MTA3: variants seen among roughly 807,000 people sequenced by gnomAD.
The protein encoded by MTA3 is metastasis associated 1 family member 3.
Under a neutral mutation model 83.5 loss-of-function variants are expected in MTA3, and 34 were observed. The ratio of observed to expected loss-of-function variants is 0.41; its 90% CI spans 0.31 to 0.54. MTA3 has a LOEUF of 0.54. Ranked by LOEUF, MTA3 falls within the 20% of genes least tolerant of loss-of-function variation. MTA3 has a pLI of 0.33. For synonymous variants in MTA3, 303 were observed against 252.7 expected (o/e 1.20, Z -1.89); for missense variants, 761 against 726.4 (o/e 1.05, Z -0.55).
chr2:42,736,434 C>T (rs1668621339), intron 16 of MTA3, among the ~76,000 whole-genome samples: 1 of 152,102 alleles, frequency 6.6e-6, no homozygotes, highest in South Asian at 2.1e-4. Flanking sequence ...ATGATCACTG[C>T]CTGGCTACCA....
chr2:42,649,421 A>T (rs1219766043), intron 6 of MTA3, among the ~76,000 whole-genome samples: 1 of 152,144 alleles, frequency 6.6e-6, no homozygotes, highest in African/African-American at 2.4e-5. Flanking sequence ...TCCAAAAAAA[A>T]AAAAGCTGTT....
Position 42,712,538 on chromosome 2 carries a change from TAA to T in MTA3, c.1525+3443_1525+3444del, listed in dbSNP as rs534078680. Among the ~76,000 whole-genome samples the T allele has an allele frequency of 3.0e-3, 451 of 152,326 alleles. 2 individuals carry two copies. The highest frequency in any genetic ancestry group is 0.01 in the African/African-American group (431 of 41,560). On this transcript the variant is annotated intron_variant, in intron 14 of 16. Coordinates refer to ENST00000405094, the MANE Select transcript of MTA3 (RefSeq NM_001330442.2). ...TTCCCCAAATACCTAAATATTATTT[TAA>T]TAATCTTTATATGTGAATGTATAAA...
At chr2:42,566,411 A>G (rs1446623553), upstream of MTA3, among the ~76,000 whole-genome samples, 1 of 152,210 alleles carries the variant, frequency 6.6e-6, no homozygotes, top group East Asian at 1.9e-4. Context: ...GATACTGAGC[A>G]TCTACTGTGT....
At chr2:42,564,317 G>A (rs1366879272), upstream of MTA3, among the ~76,000 whole-genome samples, 4 of 152,190 alleles carry the variant, frequency 2.6e-5, no homozygotes, top group Non-Finnish European at 4.4e-5. Context: ...GAGGGCATGA[G>A]GGAACTATGG....
In MTA3 at chr2:42,681,143, T is replaced by C. The variant is rs532256705; in HGVS notation, c.703-1258T>C. On this transcript the variant is annotated intron_variant, in intron 8 of 16. Coordinates refer to ENST00000405094, the MANE Select transcript of MTA3 (RefSeq NM_001330442.2). ...TGCTTGTGTGTTCTAATCTATCTTT[T>C]CTCCTTTCAAATTGTGCTTCAAATC... Among the ~76,000 whole-genome samples, 11 of 152,300 alleles carry C rather than the reference T, an allele frequency of 7.2e-5. No homozygotes were observed. In the East Asian group the frequency reaches 2.1e-3, roughly 29 times the overall value.
chr2:42,718,365 A>C (rs1191998124), intron 14 of MTA3, among the ~76,000 whole-genome samples: 1 of 151,734 alleles, frequency 6.6e-6, no homozygotes, highest in East Asian at 2.0e-4. Context: ...CTCCTGCCTC[A>C]GCCTCCCGAG....
chr2:42,748,114 TG>T (rs1460488439), intron 16 of MTA3, among the ~76,000 whole-genome samples: 1 of 152,096 alleles, frequency 6.6e-6, no homozygotes, highest in Non-Finnish European at 1.5e-5. Flanking sequence ...CTGCAACCTC[TG>T]CCTCCTGGGT....
Position 42,659,792 on chromosome 2 carries a change from A to T in MTA3, c.632A>T (p.Asp211Val). The T allele has an allele frequency of 6.2e-7, 1 of 1,606,828 alleles. No homozygotes were observed. The highest frequency in any genetic ancestry group is 8.5e-7 in the Non-Finnish European group (1 of 1,176,640). The change falls in exon 8 of 17, where the codon GAT becomes GTT. Residue 211 changes from aspartate (D) to valine (V), a missense_variant. Asp to Val is a radical substitution (Grantham distance 152). Transcript: ENST00000405094. ...GTTGGGACATTCGCCAGAGCCCTGG[A>T]TTGCAGCAGTTCTGTGAGGCAGCCT... ...RAVGTFARAL[D>V]CSSSVRQPSL... is the part of the protein sequence containing the mutation.
At chr2:42,704,371 G>C in intron 12 of MTA3, 53 bp downstream of exon 12, 2 of 1,604,574 alleles carry the variant, frequency 1.2e-6, no homozygotes, top group Non-Finnish European at 1.7e-6. Flanking sequence ...CTGGCTCATG[G>C]GGTGTGAGCG....
intron 9 of MTA3, among the ~76,000 whole-genome samples, chr2:42,687,167 A>G (rs1363099928): frequency 1.3e-5 from 2 of 152,098 alleles, no homozygotes; most frequent in African/African-American, 4.8e-5. Context: ...AAGACACAGT[A>G]CAGTTTCATC....
chr2:42,664,446 T>C (rs1280615970), intron 8 of MTA3, among the ~76,000 whole-genome samples: 1 of 145,562 alleles, frequency 6.9e-6, no homozygotes, highest in African/African-American at 2.5e-5. Flanking sequence ...ATGGTCCTAC[T>C]ACCCCCTCAC....
chr2:42,747,635 C>T (rs1669540650), intron 16 of MTA3, among the ~76,000 whole-genome samples: 1 of 151,406 alleles, frequency 6.6e-6, no homozygotes, highest in Admixed American at 6.6e-5. Context: ...GTGCTTGTTA[C>T]ACTGTTGGGG....
chr2:42,591,176 C>G (rs1014348978), intron 3 of MTA3, among the ~76,000 whole-genome samples: 1 of 152,178 alleles, frequency 6.6e-6, no homozygotes, highest in Non-Finnish European at 1.5e-5. Context: ...GGGTACAAAT[C>G]TGTACACATG....
chr2:42,611,341 C>CACACACACACATA (rs1462110821), intron 4 of MTA3, among the ~76,000 whole-genome samples: 7 of 149,514 alleles, frequency 4.7e-5, no homozygotes, highest in African/African-American at 1.7e-4. Context: ...ACACACACAC[C>CACACACACACATA]CCCTCACACA....
rs1573711220 is a variant in MTA3 at position 42,709,237 on chromosome 2, A to C, written c.1525+141A>C. ...CAGCCTTTTATTTGGTTTATTTTTT[A>C]ACATTGTTTTTGTGTGCTGCCATTT... On this transcript the variant is annotated intron_variant, in intron 14 of 16. Coordinates refer to ENST00000405094, the MANE Select transcript of MTA3 (RefSeq NM_001330442.2). The C allele has an allele frequency of 2.1e-6, 3 of 1,440,458 alleles. No individual in the cohort carries two copies. In the East Asian group the frequency reaches 7.5e-5, roughly 36 times the overall value. The allele number at this position is 1,440,458 out of a possible 1,614,324, so 89.2% of individuals were successfully genotyped here.
intron 6 of MTA3, among the ~76,000 whole-genome samples, chr2:42,652,021 C>T (rs941324709): frequency 1.2e-4 from 18 of 151,924 alleles, no homozygotes; most frequent in African/African-American, 3.9e-4. Flanking sequence ...GACTTGAACC[C>T]GGGAGGTGGA....
intron 2 of MTA3, among the ~76,000 whole-genome samples, chr2:42,514,635 C>G (rs1391201333): frequency 6.8e-6 from 1 of 146,816 alleles, no homozygotes; most frequent in Non-Finnish European, 1.5e-5. Context: ...CTGCCCACCT[C>G]GGGCTCCTCC....
At chr2:42,688,211 A>G (rs1321043522) in intron 9 of MTA3, among the ~76,000 whole-genome samples, 1 of 152,158 alleles carries the variant, frequency 6.6e-6, no homozygotes, top group African/African-American at 2.4e-5. Flanking sequence ...AACTGGGACT[A>G]CAGGCATGTT....
At chr2:42,752,641 T>C (rs1055984429) in intron 16 of MTA3, among the ~76,000 whole-genome samples, 1 of 152,158 alleles carries the variant, frequency 6.6e-6, no homozygotes. Flanking sequence ...ACAAGAAATG[T>C]GTTCATAGCC....
Sources: allele counts gnomAD v4.1 joint callset (sites outside exome capture counted in the v4.1 genomes callset), GRCh38; gene constraint gnomAD v4.1.1; transcripts MANE v1.5; gene names NCBI Gene and HGNC (gene_info 2026-07-23, HGNC 2026-07-21).